NRIP1: variants seen among roughly 807,000 people sequenced by gnomAD.
NRIP1 encodes nuclear receptor-interacting protein 1.
NRIP1 carries 28 observed loss-of-function variants against 75.0 expected under a neutral mutation model. The observed-to-expected ratio is 0.37, with a 90% CI of 0.28 to 0.51. The LOEUF (loss-of-function observed/expected upper bound fraction) is 0.51, where lower values mean the gene tolerates loss of function less well. NRIP1 is among the 20% of genes least tolerant of loss of function. The pLI, the probability that NRIP1 is intolerant of heterozygous loss-of-function variation, is 0.92. For synonymous variants in NRIP1, 526 were observed against 487.6 expected (o/e 1.08, Z -1.04); for missense variants, 1,435 against 1,343.7 (o/e 1.07, Z -1.06).
chr21:15,023,349 C>G (rs1268109309), intron 2 of NRIP1, among the ~76,000 whole-genome samples: 1 of 152,134 alleles, frequency 6.6e-6, no homozygotes, highest in Admixed American at 6.5e-5. Flanking sequence ...TCACATTTAT[C>G]AGAACAGTTT....
At chr21:15,037,957 A>T (rs1018937611) in intron 2 of NRIP1, among the ~76,000 whole-genome samples, 6 of 152,144 alleles carry the variant, frequency 3.9e-5, no homozygotes, top group African/African-American at 1.4e-4. Flanking sequence ...TAATAATCAG[A>T]ACGTAATAAA....
chr21:14,996,530 T>G (rs544513900), intron 3 of NRIP1, among the ~76,000 whole-genome samples: 1 of 152,316 alleles, frequency 6.6e-6, no homozygotes, highest in Non-Finnish European at 1.5e-5. Context: ...TCTCCCCATT[T>G]TATTCCCTAG....
chr21:14,965,650 T>C lies in NRIP1; in HGVS notation c.2543A>G (p.Glu848Gly), dbSNP rs374602006. The change falls in exon 4 of 4, where the codon GAA (glutamate) becomes GGA (glycine). Residue 848 changes from glutamate (E) to glycine (G), a missense_variant. Transcript: ENST00000318948. ...AGGGACCATGCAAAGATTCTTTGAT[T>C]CTAGAAGTGCCATTTCATTATTTCT... Reference protein sequence around the residue: ...SHRNNEMALLESKNLCMVPKK... With the variant: ...SHRNNEMALLGSKNLCMVPKK... The C allele has an allele frequency of 1.2e-5, 19 of 1,613,372 alleles. No homozygotes were observed. In the African/African-American group the frequency reaches 2.5e-4, roughly 22 times the overall value.
chr21:15,026,993 C>A (rs1040978955), intron 2 of NRIP1, among the ~76,000 whole-genome samples: 1 of 152,080 alleles, frequency 6.6e-6, no homozygotes, highest in Admixed American at 6.5e-5. Flanking sequence ...CAAAACATCT[C>A]TGTACCCCAT....
intron 3 of NRIP1, among the ~76,000 whole-genome samples, chr21:14,997,631 T>C (rs775751107): frequency 3.3e-5 from 5 of 151,514 alleles, no homozygotes; most frequent in South Asian, 2.1e-4. Flanking sequence ...ATCTTACACG[T>C]AGACACACAA....
At chr21:15,008,332 A>C (rs1176627032) in intron 3 of NRIP1, among the ~76,000 whole-genome samples, 1 of 152,104 alleles carries the variant, frequency 6.6e-6, no homozygotes. Flanking sequence ...CTGCAAAATA[A>C]CACATCAACT....
intron 2 of NRIP1, among the ~76,000 whole-genome samples, chr21:15,040,416 C>CCTA (rs2088926757): frequency 6.6e-6 from 1 of 151,870 alleles, no homozygotes; most frequent in South Asian, 2.1e-4. Flanking sequence ...ATAGGAAAGA[C>CCTA]CTAGAAAAAG....
In NRIP1 at chr21:14,964,840, A is replaced by G. The variant is rs1440046732; in HGVS notation, c.3353T>C (p.Phe1118Ser). 6.2e-7 allele frequency: 1 copy of G among 1,613,444 alleles called. No homozygotes were observed. Among genetic ancestry groups the G allele is most frequent in the Non-Finnish European group, 8.5e-7 (1 of 1,179,746 alleles). The part of the protein sequence containing the change: ...LLPTAETKAS[F>S]FNLRSPYNSH... Reference sequence around the variant, plus strand: ...ATTGTAAGGGCTTCTTAAATTAAAGAAAGAAGCTTTCGTTTCTGCAGTAGG... The same window carrying G: ...ATTGTAAGGGCTTCTTAAATTAAAGGAAGAAGCTTTCGTTTCTGCAGTAGG... The change falls in exon 4 of 4, where the codon TTC becomes TCC. Residue 1118 changes from phenylalanine to serine, a missense_variant. Physicochemically the swap from Phe to Ser is radical, Grantham distance 155. Transcript: ENST00000318948.
At chr21:15,022,818 G>A (rs778794086) in intron 2 of NRIP1, among the ~76,000 whole-genome samples, 11 of 152,102 alleles carry the variant, frequency 7.2e-5, no homozygotes, top group Non-Finnish European at 1.0e-4. Flanking sequence ...ATATACAGAA[G>A]GGAAATAAAA....
Position 14,988,932 on chromosome 21 carries a change from CGAGGA to C in NRIP1, c.-334-20411_-334-20407del, listed in dbSNP as rs542465399. ...AGAAGCAGAGATGAGGGAGGCAAAA[CGAGGA>C]GAGGAGAGGAGAGGAGAGGGAAGGG... On this transcript the variant is annotated intron_variant, in intron 3 of 3. Coordinates refer to ENST00000318948, the MANE Select transcript of NRIP1 (RefSeq NM_003489.4). Among the ~76,000 whole-genome samples the C allele has an allele frequency of 2.6e-4, 40 of 151,804 alleles. 1 individual carries two copies. The East Asian group carries it at 2.7e-3, about 10-fold the overall frequency.
rs1200907972 is a variant in NRIP1 at position 14,965,175 on chromosome 21, T to C, written c.3018A>G (p.Val1006=). Residue 1006 remains valine, a synonymous_variant, in exon 4 of 4, where the codon GTA becomes GTG. Coordinates refer to ENST00000318948, the MANE Select transcript of NRIP1 (RefSeq NM_003489.4). ...DNRTFSYPGV[V]KTPVSPTFPE... ...GGAAAGTAGGACTCACAGGAGTTTT[T>C]ACTACACCTGGGTATGAAAATGTCC... The C allele has an allele frequency of 1.9e-6, 3 of 1,613,324 alleles. No homozygotes were observed. The highest frequency in any genetic ancestry group is 1.3e-5 in the African/African-American group (1 of 74,918).
chr21:14,994,033 A>G (rs2087646377), intron 3 of NRIP1, among the ~76,000 whole-genome samples: 1 of 152,134 alleles, frequency 6.6e-6, no homozygotes, highest in Admixed American at 6.5e-5. Context: ...ACTTTCAATC[A>G]TATGACACTG....
intron 1 of NRIP1, among the ~76,000 whole-genome samples, chr21:15,055,260 G>C (rs1283592911): frequency 6.6e-6 from 1 of 152,186 alleles, no homozygotes; most frequent in East Asian, 1.9e-4. Flanking sequence ...CTACTCATCA[G>C]TAAAAAGTAG....
intron 3 of NRIP1, among the ~76,000 whole-genome samples, chr21:15,003,592 C>T (rs2087896942): frequency 6.6e-6 from 1 of 152,156 alleles, no homozygotes; most frequent in Admixed American, 6.5e-5. Flanking sequence ...GCAGGAGGCC[C>T]CTCCCCGCTG....
chr21:14,993,177 G>A (rs1313154556), intron 3 of NRIP1, among the ~76,000 whole-genome samples: 5 of 151,452 alleles, frequency 3.3e-5, no homozygotes, highest in African/African-American at 1.2e-4. Context: ...TATCAGTGGT[G>A]AGTCTGGAGA....
chr21:14,971,547 C>A (rs1044755758), intron 3 of NRIP1: 4 of 152,128 alleles, frequency 2.6e-5, no homozygotes, highest in African/African-American at 9.7e-5. Context: ...ATGTGATAGA[C>A]AACATCTAGA....
In NRIP1 at chr21:14,989,474, T is replaced by C. The variant is rs977619342; in HGVS notation, c.-334-20948A>G. Among the ~76,000 whole-genome samples, 3 of 152,288 alleles carry C rather than the reference T, an allele frequency of 2.0e-5. No individual in the cohort carries two copies. The East Asian group carries it at 5.8e-4, about 29-fold the overall frequency. ...AAACGTTGACCAAAACAGGGGTTAA[T>C]TGGACATTGGTTGTTTTAATTCCAT... On this transcript the variant is annotated intron_variant, in intron 3 of 3. Coordinates refer to ENST00000318948, the MANE Select transcript of NRIP1 (RefSeq NM_003489.4).
At chr21:15,025,721 T>C (rs967791682) in intron 2 of NRIP1, among the ~76,000 whole-genome samples, 1 of 152,138 alleles carries the variant, frequency 6.6e-6, no homozygotes, top group African/African-American at 2.4e-5. Context: ...GAAGACACAG[T>C]ATCACTTCTG....
chr21:14,983,190 C>G (rs1295426052), intron 3 of NRIP1, among the ~76,000 whole-genome samples: 1 of 151,484 alleles, frequency 6.6e-6, no homozygotes, highest in Non-Finnish European at 1.5e-5. Context: ...GCCTCTTGCA[C>G]CAGTTAACCA....
Sources: allele counts gnomAD v4.1 joint callset (sites outside exome capture counted in the v4.1 genomes callset), GRCh38; gene constraint gnomAD v4.1.1; transcripts MANE v1.5; gene names NCBI Gene and HGNC (gene_info 2026-07-23, HGNC 2026-07-21).